The following KIF16B variants were observed in gnomAD, a reference collection of about 807,000 sequenced individuals.
KIF16B encodes the protein kinesin family member 16B, also known as kinesin-like protein KIF16B.
Under a neutral mutation model 156.3 loss-of-function variants are expected in KIF16B, and 98 were observed. That is an observed-to-expected ratio of 0.63 (90% CI 0.53 to 0.74). The LOEUF (loss-of-function observed/expected upper bound fraction) is 0.74, where lower values mean the gene tolerates loss of function less well. Ranked by LOEUF, KIF16B falls within the 30% of genes least tolerant of loss-of-function variation. The pLI is 0.00. For missense variants in KIF16B, 1,421 were observed against 1,606.5 expected, an observed-to-expected ratio of 0.88 and a Z score of 1.97; for synonymous variants, 564 against 583.7, an observed-to-expected ratio of 0.97 and a Z score of 0.49.
At chr20:16,461,152 C>T (rs904413892) in intron 12 of KIF16B, among the ~76,000 whole-genome samples, 1 of 151,470 alleles carries the variant, frequency 6.6e-6, no homozygotes, top group African/African-American at 2.4e-5. Flanking sequence ...TTTGAAGGCA[C>T]AAACACAGGA....
At chr20:16,450,223 A>T (rs935996610) in intron 12 of KIF16B, among the ~76,000 whole-genome samples, 2 of 152,232 alleles carry the variant, frequency 1.3e-5, no homozygotes, top group African/African-American at 4.8e-5. Flanking sequence ...GAAAATATAT[A>T]GCAAGCTAGA....
At chr20:16,496,718 T>C (rs16997744) in intron 11 of KIF16B, among the ~76,000 whole-genome samples, 2,719 of 152,330 alleles carry the variant, frequency 0.018, 78 homozygotes, top group African/African-American at 0.063. Context: ...GTTTAAATTA[T>C]AGCACTCAAA....
Position 16,420,331 on chromosome 20 carries a change from A to G in KIF16B, c.1612+6773T>C, listed in dbSNP as rs537224781. On this transcript the variant is annotated intron_variant, in intron 15 of 25. Transcript: ENST00000354981. ...ATAGAATTTGCCCTCAATGTTGACA[A>G]TCTGCTAAATTTAGATAAATCTCCG... Among the ~76,000 whole-genome samples, 8 of 152,270 alleles carry G rather than the reference A, an allele frequency of 5.3e-5. No homozygotes were observed. The South Asian group carries it at 1.7e-3, about 32-fold the overall frequency.
chr20:16,347,463 A>G (rs1213807058), intron 23 of KIF16B, among the ~76,000 whole-genome samples: 2 of 152,224 alleles, frequency 1.3e-5, no homozygotes, highest in East Asian at 1.9e-4. Flanking sequence ...ATTTCTTCTT[A>G]GTCACTTCTT....
intron 17 of KIF16B, among the ~76,000 whole-genome samples, chr20:16,403,679 C>T (rs1012431698): frequency 6.6e-6 from 1 of 152,158 alleles, no homozygotes; most frequent in Admixed American, 6.5e-5. Flanking sequence ...TGGATTTGGG[C>T]TTCAGCTTGC....
At chr20:16,553,213 C>A (rs1461569213) in intron 1 of KIF16B, among the ~76,000 whole-genome samples, 1 of 152,220 alleles carries the variant, frequency 6.6e-6, no homozygotes, top group Admixed American at 6.5e-5. Flanking sequence ...TAAAATGCTA[C>A]TGCCAGCCTT....
At chr20:16,499,494 T>A (rs6044034) in intron 10 of KIF16B, among the ~76,000 whole-genome samples, 34,467 of 152,224 alleles carry the variant, frequency 0.23, 4,481 homozygotes, top group East Asian at 0.36. Context: ...GTTAGCATGT[T>A]ACTACAATGC....
chr20:16,397,453 C>G (rs1334718824), intron 17 of KIF16B, among the ~76,000 whole-genome samples: 2 of 152,162 alleles, frequency 1.3e-5, no homozygotes, highest in South Asian at 4.1e-4. Context: ...TCTTGGGGAA[C>G]AAGAACTTTG....
At position 16,318,994 on chromosome 20, in the gene KIF16B, G is replaced by A. The variant is rs1036652202; in HGVS notation, c.3712-6576C>T. On this transcript the variant is annotated intron_variant, in intron 24 of 25. Coordinates refer to ENST00000354981, the MANE Select transcript of KIF16B (RefSeq NM_024704.5). The stretch of plus-strand genomic sequence containing the variant: ...AGACATACTGATAGTATATATCCTT[G>A]AGATGATATGATAAAAATGGCATTT... 6.6e-5 allele frequency among the ~76,000 whole-genome samples: 10 copies of A among 152,112 alleles called. No individual in the cohort carries two copies. The East Asian group carries it at 1.9e-3, about 29-fold the overall frequency.
chr20:16,434,393 C>T (rs1018609064), intron 12 of KIF16B, among the ~76,000 whole-genome samples: 2 of 152,206 alleles, frequency 1.3e-5, no homozygotes, highest in Admixed American at 1.3e-4. Context: ...GAGTCTAGCT[C>T]TTTTAATCAC....
chr20:16,366,598 A>G (rs1293422117), intron 22 of KIF16B, among the ~76,000 whole-genome samples: 1 of 152,200 alleles, frequency 6.6e-6, no homozygotes. Flanking sequence ...GGCATGCATC[A>G]CTGTCTCGAT....
At chr20:16,341,849 C>T (rs1029856415) in intron 23 of KIF16B, among the ~76,000 whole-genome samples, 2 of 152,240 alleles carry the variant, frequency 1.3e-5, no homozygotes, top group African/African-American at 4.8e-5. Flanking sequence ...ACTACCCTCC[C>T]AGGCCAAAGC....
At chr20:16,408,142 C>G (rs942175387) in intron 15 of KIF16B, among the ~76,000 whole-genome samples, 6 of 152,072 alleles carry the variant, frequency 3.9e-5, no homozygotes, top group South Asian at 4.1e-4. Flanking sequence ...TTGGACAACT[C>G]AAGGGAGTTT....
intron 12 of KIF16B, among the ~76,000 whole-genome samples, chr20:16,437,491 A>T (rs966588277): frequency 1.3e-5 from 2 of 152,172 alleles, no homozygotes; most frequent in Non-Finnish European, 2.9e-5. Flanking sequence ...AGAACAGAGT[A>T]AAAAGGGGGA....
chr20:16,335,908 A>G lies in KIF16B; in HGVS notation c.3711+18T>C. On this transcript the variant is annotated intron_variant, in intron 24 of 25. Transcript: ENST00000354981. Reference sequence around the variant, plus strand: ...AAAATGAATGCTCTTAATCGGAGATAATAATTTCATAACTTACCTCTGCAT... The same window carrying G: ...AAAATGAATGCTCTTAATCGGAGATGATAATTTCATAACTTACCTCTGCAT... The G allele has an allele frequency of 6.9e-7, 1 of 1,453,214 alleles. No individual in the cohort carries two copies. The highest frequency in any genetic ancestry group is 9.6e-7 in the Non-Finnish European group (1 of 1,042,222). The allele number at this position is 1,453,214 out of a possible 1,614,324, so 90.0% of individuals were successfully genotyped here.
chr20:16,387,867 T>C (rs1403899729), intron 17 of KIF16B, among the ~76,000 whole-genome samples: 1 of 149,408 alleles, frequency 6.7e-6, no homozygotes, highest in East Asian at 2.3e-4. Flanking sequence ...GAGTGTCTGA[T>C]TGGGATGGAG....
At chr20:16,397,388 G>A (rs759796148) in intron 17 of KIF16B, among the ~76,000 whole-genome samples, 1 of 152,238 alleles carries the variant, frequency 6.6e-6, no homozygotes. Flanking sequence ...TGGGCCAGCA[G>A]TAATTTCCCA....
At chr20:16,384,635 A>G (rs1023209574) in intron 17 of KIF16B, among the ~76,000 whole-genome samples, 1 of 152,052 alleles carries the variant, frequency 6.6e-6, no homozygotes, top group Non-Finnish European at 1.5e-5. Context: ...TAGAAAATAG[A>G]TGGGTGGGGG....
chr20:16,549,147 G>A (rs1356073775), intron 1 of KIF16B, among the ~76,000 whole-genome samples: 2 of 148,508 alleles, frequency 1.3e-5, no homozygotes, highest in Non-Finnish European at 3.0e-5. Flanking sequence ...CCACTAACTC[G>A]TCATCTAGCA....
Sources: gnomAD v4.1 joint callset for allele counts (sites outside exome capture counted in the v4.1 genomes callset) on GRCh38, gnomAD v4.1.1 for gene constraint, MANE v1.5 for transcripts, NCBI Gene and HGNC (gene_info 2026-07-23, HGNC 2026-07-21) for gene names.